EML1: variants seen among roughly 807,000 people sequenced by gnomAD.
EML1 encodes echinoderm microtubule-associated protein-like 1.
In EML1, 27 loss-of-function variants were observed where a neutral mutation model predicts 110.4. The ratio of observed to expected loss-of-function variants is 0.24; its 90% CI spans 0.18 to 0.34. The LOEUF (loss-of-function observed/expected upper bound fraction) is 0.34, where lower values mean the gene tolerates loss of function less well. Among genes scored for constraint, EML1 ranks in the 10% least tolerant of loss-of-function variants. The probability of loss-of-function intolerance (pLI) is 1.00; values close to 1 mark genes in which losing one functional copy is unlikely to be tolerated. For missense variants in EML1, 741 were observed against 1,030.9 expected (o/e 0.72, Z 3.85); for synonymous variants, 344 against 385.8 (o/e 0.89, Z 1.27).
chr14:99,904,853 G>GT (rs1258452667), intron 9 of EML1, among the ~76,000 whole-genome samples: 1 of 152,132 alleles, frequency 6.6e-6, no homozygotes, highest in African/African-American at 2.4e-5. Context: ...GGCTTATAGG[G>GT]TCCTAGGCCC....
chr14:99,911,921 A>G (rs2059953230), intron 13 of EML1, among the ~76,000 whole-genome samples: 1 of 74,336 alleles, frequency 1.3e-5, no homozygotes, highest in South Asian at 3.1e-4. Flanking sequence ...TTTTTAGAGC[A>G]GGGTCTGGCT....
At chr14:99,807,188 C>G (rs2057992439) in intron 1 of EML1, among the ~76,000 whole-genome samples, 1 of 152,196 alleles carries the variant, frequency 6.6e-6, no homozygotes, top group Admixed American at 6.5e-5. Context: ...TACGTGCATT[C>G]TTTCGTGATC....
intron 1 of EML1, among the ~76,000 whole-genome samples, chr14:99,760,523 A>G (rs1410576041): frequency 6.6e-6 from 1 of 152,246 alleles, no homozygotes; most frequent in East Asian, 1.9e-4. Flanking sequence ...CACCGTTCAA[A>G]GGAAACGACT....
intron 3 of EML1, among the ~76,000 whole-genome samples, chr14:99,866,993 G>A (rs1308757174): frequency 6.6e-6 from 1 of 152,174 alleles, no homozygotes. Context: ...GTATATTTGT[G>A]ATACTGAGGT....
At chr14:99,859,102 C>T (rs909227072) in intron 2 of EML1, among the ~76,000 whole-genome samples, 15 of 152,154 alleles carry the variant, frequency 9.9e-5, no homozygotes, top group African/African-American at 3.6e-4. Context: ...AATATATTAT[C>T]ATGGATAGTG....
intron 2 of EML1, among the ~76,000 whole-genome samples, chr14:99,863,732 A>G (rs559460004): frequency 1.3e-5 from 2 of 152,350 alleles, no homozygotes; most frequent in South Asian, 2.1e-4. Context: ...CTGTTCACCT[A>G]TCAGAGGACA....
In EML1 at chr14:99,940,112, G is replaced by GAATGA; in HGVS notation, c.2448_*1insAATGA. ...GCATCATGCAGTGGCGCGTCATTTA[G>GAATGA]TACCCACCGAGAGCTGTGGGGAGCA... On this transcript the variant is annotated 3_prime_UTR_variant, in exon 22 of 22. Transcript: ENST00000262233. The GAATGA allele has an allele frequency of 6.3e-7, 1 of 1,575,572 alleles. No homozygotes were observed. The highest frequency in any genetic ancestry group is 8.6e-7 in the Non-Finnish European group (1 of 1,161,886).
At position 99,876,815 on chromosome 14, in the gene EML1, T is replaced by C. The variant is rs7143718; in HGVS notation, c.384-1670T>C. ...GAGCAGGTGCTGCATTAAAGCAGTTTGTGTCTCTTCTGGTGACAGGGTCAG... is the reference window on the plus strand; with the variant it reads ...GAGCAGGTGCTGCATTAAAGCAGTTCGTGTCTCTTCTGGTGACAGGGTCAG... On this transcript the variant is annotated intron_variant, in intron 3 of 21. Coordinates refer to ENST00000262233, the MANE Select transcript of EML1 (RefSeq NM_004434.3). 2.1e-4 allele frequency among the ~76,000 whole-genome samples: 32 copies of C among 152,134 alleles called. 1 individual carries two copies. The highest frequency in any genetic ancestry group is 2.1e-3 in the Admixed American group (32 of 15,288).
intron 1 of EML1, among the ~76,000 whole-genome samples, chr14:99,832,424 A>G (rs1216492089): frequency 3.9e-5 from 6 of 152,222 alleles, no homozygotes; most frequent in Non-Finnish European, 7.3e-5. Flanking sequence ...GCCGGACTCA[A>G]TAGTGGGTGT....
At chr14:99,882,247 C>T (rs2059397665) in intron 4 of EML1, among the ~76,000 whole-genome samples, 1 of 152,052 alleles carries the variant, frequency 6.6e-6, no homozygotes, top group African/African-American at 2.4e-5. Context: ...TAAAATGTAG[C>T]CAGTGAACTA....
intron 1 of EML1, chr14:99,850,285 C>T (rs992399467): frequency 1.1e-5 from 14 of 1,288,298 alleles, no homozygotes; most frequent in African/African-American, 9.1e-5. Context: ...AAGAAGATCA[C>T]GGAGAGGTTT....
intron 1 of EML1, chr14:99,737,984 G>A (rs2140154755): frequency 9.7e-7 from 1 of 1,027,214 alleles, no homozygotes; most frequent in Non-Finnish European, 1.3e-6. Flanking sequence ...CTTCCTCCTT[G>A]CCCGACGCCT....
chr14:99,938,317 T>C (rs1192371667), intron 20 of EML1, among the ~76,000 whole-genome samples: 1 of 152,218 alleles, frequency 6.6e-6, no homozygotes, highest in Non-Finnish European at 1.5e-5. Context: ...ACTTTAGGAA[T>C]ATTTTCATAA....
chr14:99,840,529 C>G (rs2058616129), intron 1 of EML1, among the ~76,000 whole-genome samples: 1 of 152,186 alleles, frequency 6.6e-6, no homozygotes, highest in South Asian at 2.1e-4. Context: ...GGGGACACTG[C>G]ACCACAAAGC....
intron 1 of EML1, among the ~76,000 whole-genome samples, chr14:99,810,040 G>A (rs892502062): frequency 4.8e-4 from 73 of 152,304 alleles, no homozygotes; most frequent in Admixed American, 3.1e-3. Context: ...GCTGCAATGC[G>A]GCCCAGTCAG....
Position 99,784,364 on chromosome 14 carries a change from A to C in EML1, c.-27+10351A>C, listed in dbSNP as rs1055004975. ...CACCTTGGCCTCCTCAAGTGCTGGG[A>C]TAACAGGTGTAAGCCACTGTGCCTG... On this transcript the variant is annotated intron_variant, in intron 1 of 22. Coordinates refer to the EML1 transcript ENST00000327921. This position sits in a 1 kb window ranked among gnomAD's most constrained non-coding sequence, Gnocchi z 4.5. Among the ~76,000 whole-genome samples, 1 of 152,262 alleles carries C rather than the reference A, an allele frequency of 6.6e-6. No homozygotes were observed. The highest frequency in any genetic ancestry group is 6.5e-5 in the Admixed American group (1 of 15,290).
intron 1 of EML1, among the ~76,000 whole-genome samples, chr14:99,747,432 G>T (rs1038435668): frequency 6.6e-6 from 1 of 152,066 alleles, no homozygotes; most frequent in African/African-American, 2.4e-5. Flanking sequence ...ATGGGGGGCA[G>T]GGGTCTGAGG....
chr14:99,780,089 T>C (rs2057523368), intron 1 of EML1, among the ~76,000 whole-genome samples: 1 of 152,084 alleles, frequency 6.6e-6, no homozygotes, highest in African/African-American at 2.4e-5. Context: ...TGTCCTCACA[T>C]GGCAGAGAGA....
chr14:99,878,712 C>G, intron 4 of EML1, 93 bp downstream of exon 4: 1 of 1,496,608 alleles, frequency 6.7e-7, no homozygotes, highest in Non-Finnish European at 8.9e-7. Context: ...CATATTCCAA[C>G]AAGCTGGGAG....
Sources: gnomAD v4.1 joint callset for allele counts (sites outside exome capture counted in the v4.1 genomes callset) on GRCh38, gnomAD v4.1.1 for gene constraint, Gnocchi (gnomAD v3.1) non-coding constraint, MANE v1.5 for transcripts, NCBI Gene and HGNC (gene_info 2026-07-23, HGNC 2026-07-21) for gene names.